Variants in LRRC4C observed in about 807,000 individuals in gnomAD.
The protein encoded by LRRC4C is leucine rich repeat containing 4C.
In LRRC4C, 5 loss-of-function variants were observed where a neutral mutation model predicts 33.6. The ratio of observed to expected loss-of-function variants is 0.15; its 90% CI spans 0.08 to 0.31. LRRC4C has a LOEUF of 0.31. LRRC4C is among the 10% of genes least tolerant of loss of function. The probability of loss-of-function intolerance (pLI) is 1.00; values close to 1 mark genes in which losing one functional copy is unlikely to be tolerated. For synonymous variants in LRRC4C, 329 were observed against 302.0 expected (o/e 1.09, Z -0.93); for missense variants, 560 against 796.7 (o/e 0.70, Z 3.58).
chr11:41,078,375 A>G (rs1257672430), intron 1 of LRRC4C, among the ~76,000 whole-genome samples: 1 of 152,126 alleles, frequency 6.6e-6, no homozygotes, highest in African/African-American at 2.4e-5. Flanking sequence ...TTTCTGTATC[A>G]GTTCATTCTC....
chr11:41,344,029 C>G (rs1951721012), intron 1 of LRRC4C, among the ~76,000 whole-genome samples: 1 of 152,098 alleles, frequency 6.6e-6, no homozygotes, highest in African/African-American at 2.4e-5. Context: ...TCTGAGCAAA[C>G]AAAATGTTCT....
At chr11:40,690,513 A>G (rs774814069) in intron 2 of LRRC4C, among the ~76,000 whole-genome samples, 3 of 152,072 alleles carry the variant, frequency 2.0e-5, no homozygotes, top group Non-Finnish European at 4.4e-5. Context: ...GAAAAAACAG[A>G]AAGTCTCAGG....
chr11:41,139,299 C>T (rs1464881132), intron 1 of LRRC4C, among the ~76,000 whole-genome samples: 1 of 152,152 alleles, frequency 6.6e-6, no homozygotes, highest in African/African-American at 2.4e-5. Context: ...TCTATTTTAT[C>T]AATCAAGCTA....
chr11:40,555,773 T>C (rs1030807367), intron 3 of LRRC4C, among the ~76,000 whole-genome samples: 1 of 152,112 alleles, frequency 6.6e-6, no homozygotes, highest in African/African-American at 2.4e-5. Flanking sequence ...ATTCAAAGGG[T>C]TAAAAATGGC....
At chr11:41,158,245 C>A (rs150158372) in intron 1 of LRRC4C, among the ~76,000 whole-genome samples, 100 of 152,168 alleles carry the variant, frequency 6.6e-4, no homozygotes, top group African/African-American at 2.4e-3. Context: ...TGAATTATAT[C>A]CCTGTCAGCA....
At chr11:41,256,142 G>C (rs766160603) in intron 1 of LRRC4C, among the ~76,000 whole-genome samples, 1 of 151,958 alleles carries the variant, frequency 6.6e-6, no homozygotes, top group Non-Finnish European at 1.5e-5. Context: ...CTGTCTGTTT[G>C]TGTCTTTATC....
At chr11:40,729,558 T>C (rs1398103159) in intron 2 of LRRC4C, among the ~76,000 whole-genome samples, 1 of 152,152 alleles carries the variant, frequency 6.6e-6, no homozygotes, top group African/African-American at 2.4e-5. Context: ...GGTAAGATCA[T>C]TCCCCAAAGC....
chr11:40,814,816 G>C (rs1951641019), intron 2 of LRRC4C, among the ~76,000 whole-genome samples: 1 of 151,912 alleles, frequency 6.6e-6, no homozygotes, highest in Admixed American at 6.6e-5. Flanking sequence ...ATTTACTCCA[G>C]TTCCCAACAA....
intron 3 of LRRC4C, among the ~76,000 whole-genome samples, chr11:40,346,341 C>T (rs1010793465): frequency 2.6e-5 from 4 of 152,150 alleles, no homozygotes; most frequent in African/African-American, 9.7e-5. Flanking sequence ...AAATGTGATA[C>T]ATATACACCA....
chr11:40,210,147 T>TA (rs893978437), intron 5 of LRRC4C, among the ~76,000 whole-genome samples: 247 of 142,024 alleles, frequency 1.7e-3, no homozygotes, highest in Middle Eastern at 7.2e-3. Context: ...AGAATATATA[T>TA]AAAAAAAAAA....
chr11:40,526,750 A>G (rs1359463325), intron 3 of LRRC4C, among the ~76,000 whole-genome samples: 1 of 152,200 alleles, frequency 6.6e-6, no homozygotes, highest in Non-Finnish European at 1.5e-5. Flanking sequence ...ATGCTCATAG[A>G]GTTATTTGTA....
At chr11:41,010,847 T>C (rs1408752296) in intron 1 of LRRC4C, among the ~76,000 whole-genome samples, 1 of 152,164 alleles carries the variant, frequency 6.6e-6, no homozygotes, top group Non-Finnish European at 1.5e-5. Context: ...CAGTAACAGG[T>C]TGACTCTTGG....
At chr11:40,360,200 C>T (rs962129963) in intron 3 of LRRC4C, among the ~76,000 whole-genome samples, 4 of 152,068 alleles carry the variant, frequency 2.6e-5, no homozygotes, top group Non-Finnish European at 4.4e-5. Flanking sequence ...TTCTGACTGA[C>T]CATTTGGAGA....
At chr11:40,460,874 A>G (rs1039919345) in intron 3 of LRRC4C, among the ~76,000 whole-genome samples, 1 of 152,164 alleles carries the variant, frequency 6.6e-6, no homozygotes, top group African/African-American at 2.4e-5. Flanking sequence ...TATAAAAACA[A>G]TCATAATGAG....
At position 41,313,079 on chromosome 11, in the gene LRRC4C, G is replaced by A. The variant is rs1041781682; in HGVS notation, c.-496+146352C>T. On this transcript the variant is annotated intron_variant, in intron 1 of 6. Coordinates refer to ENST00000528697, the MANE Select transcript of LRRC4C (RefSeq NM_001258419.2). ...AGTAAGAGAAGGCCTTTGGGGCTCT[G>A]GATAAGTATGTTGAGGGTATGTTTG... 2.6e-5 allele frequency among the ~76,000 whole-genome samples: 4 copies of A among 152,146 alleles called. No homozygotes were observed. The South Asian group carries it at 8.3e-4, about 31-fold the overall frequency.
intron 1 of LRRC4C, among the ~76,000 whole-genome samples, chr11:41,457,450 G>A (rs1956204940): frequency 1.3e-5 from 2 of 152,128 alleles, no homozygotes; most frequent in African/African-American, 4.8e-5. Context: ...ACCCTGCCAT[G>A]ACCCATTGGC....
At chr11:41,255,953 A>G (rs1161388587) in intron 1 of LRRC4C, among the ~76,000 whole-genome samples, 1 of 152,036 alleles carries the variant, frequency 6.6e-6, no homozygotes. Flanking sequence ...ATAATATCAA[A>G]TATACCAAAT....
In LRRC4C at chr11:40,519,267, G is replaced by A. The variant is rs567250954; in HGVS notation, c.-270+128875C>T. On this transcript the variant is annotated intron_variant, in intron 3 of 6. Transcript: ENST00000528697. ...AAAAATCAAATAGTTTTTTAAAAAA[G>A]AGAGAAGTCTTATGAAGTAGAAATC... 4.6e-5 allele frequency among the ~76,000 whole-genome samples: 7 copies of A among 152,128 alleles called. 2 individuals are homozygous for A. The highest frequency in any genetic ancestry group is 1.7e-4 in the African/African-American group (7 of 41,508).
At chr11:40,585,030 G>A (rs1393667273) in intron 3 of LRRC4C, among the ~76,000 whole-genome samples, 1 of 152,054 alleles carries the variant, frequency 6.6e-6, no homozygotes, top group Non-Finnish European at 1.5e-5. Context: ...AGATGGGGAT[G>A]GTTCTAGAAC....
Sources: allele counts gnomAD v4.1 joint callset (sites outside exome capture counted in the v4.1 genomes callset), GRCh38; gene constraint gnomAD v4.1.1; transcripts MANE v1.5; gene names NCBI Gene and HGNC (gene_info 2026-07-23, HGNC 2026-07-21).